Variants in BDH1 observed in about 807,000 individuals in gnomAD.
BDH1 encodes D-beta-hydroxybutyrate dehydrogenase, mitochondrial.
In BDH1, 30 loss-of-function variants were observed where a neutral mutation model predicts 33.1. That is an observed-to-expected ratio of 0.91 (90% CI 0.68 to 1.23). The LOEUF (loss-of-function observed/expected upper bound fraction) is 1.23. BDH1 is among the 50% of genes most tolerant of loss of function. The pLI is 0.00. For synonymous variants in BDH1, 190 were observed against 183.6 expected, an observed-to-expected ratio of 1.03 and a Z score of -0.28; for missense variants, 443 against 464.4, an observed-to-expected ratio of 0.95 and a Z score of 0.42.
At chr3:197,540,901 C>A (rs531234667) in intron 3 of BDH1, among the ~76,000 whole-genome samples, 1 of 152,170 alleles carries the variant, frequency 6.6e-6, no homozygotes, top group Admixed American at 6.5e-5. Flanking sequence ...ACCTGCCCCC[C>A]CCACAGCAAT....
At chr3:197,549,449 C>G (rs1716368761) in intron 2 of BDH1, among the ~76,000 whole-genome samples, 1 of 152,216 alleles carries the variant, frequency 6.6e-6, no homozygotes, top group African/African-American at 2.4e-5. Flanking sequence ...TGGGGGCTTT[C>G]CTGTGAGGCA....
At chr3:197,531,063 A>C (rs1243448325) in intron 5 of BDH1, among the ~76,000 whole-genome samples, 3 of 152,240 alleles carry the variant, frequency 2.0e-5, no homozygotes, top group Non-Finnish European at 4.4e-5. Flanking sequence ...TAATACAGCG[A>C]TAAAGAAAAA....
chr3:197,511,737 C>CA lies in BDH1; in HGVS notation c.*157dup. 1 of 710,830 alleles carries CA rather than the reference C, an allele frequency of 1.4e-6. No individual in the cohort carries two copies. The highest frequency in any genetic ancestry group is 2.2e-5 in the South Asian group (1 of 45,018). 44.0% of individuals were successfully genotyped at this position (710,830 alleles called of 1,614,324 possible). On this transcript the variant is annotated 3_prime_UTR_variant, in exon 8 of 8. Transcript: ENST00000392379. ...GTGAAGGCCCAAGTCACTCACTATG[C>CA]AAAGAAGTCATTCCCTCTAGTTAGT...
intron 7 of BDH1, among the ~76,000 whole-genome samples, chr3:197,512,856 G>A (rs1712223254): frequency 6.6e-6 from 1 of 152,196 alleles, no homozygotes; most frequent in Non-Finnish European, 1.5e-5. Context: ...CTAGGGCCAA[G>A]TGTCTAGCCA....
Position 197,563,481 on chromosome 3 carries a change from G to A in BDH1, c.-44+9700C>T, listed in dbSNP as rs150501731. On this transcript the variant is annotated intron_variant, in intron 1 of 6. Transcript: ENST00000358186. ...AGTCAGTTAGGCAAATCTTTTTCAC[G>A]TCTCTGTTATAATTTTGCAATGATG... Among the ~76,000 whole-genome samples, 207 of 152,266 alleles carry A rather than the reference G, an allele frequency of 1.4e-3. 1 individual carries two copies. Among genetic ancestry groups the A allele is most frequent in the African/African-American group, 4.5e-3 (186 of 41,538 alleles).
At chr3:197,558,610 G>A (rs1717158617), upstream of BDH1, among the ~76,000 whole-genome samples, 1 of 152,182 alleles carries the variant, frequency 6.6e-6, no homozygotes, top group Admixed American at 6.5e-5. Context: ...TTTTCTGTGA[G>A]AGTGATATTG....
chr3:197,566,507 T>C (rs1010957919), intron 1 of BDH1, among the ~76,000 whole-genome samples: 2 of 152,190 alleles, frequency 1.3e-5, no homozygotes, highest in Admixed American at 1.3e-4. Flanking sequence ...TAAAAAAATG[T>C]CTTATCTGAG....
Position 197,516,013 on chromosome 3 carries a change from G to A in BDH1, c.410-1597C>T, listed in dbSNP as rs1298762470. 1.3e-5 allele frequency among the ~76,000 whole-genome samples: 2 copies of A among 152,116 alleles called. No individual in the cohort carries two copies. Among genetic ancestry groups the A allele is most frequent in the Non-Finnish European group, 2.9e-5 (2 of 68,018 alleles). ...CCACGCAGTCTCCAGGGTCTCCAGG[G>A]TGGTACACCAAGGACCTCACCCCCA... On this transcript the variant is annotated intron_variant, in intron 6 of 7. Transcript: ENST00000392379. The surrounding 1 kb of genome is among the most constrained non-coding windows in gnomAD (Gnocchi z 4.2).
intron 1 of BDH1, among the ~76,000 whole-genome samples, chr3:197,571,586 T>G (rs1717608543): frequency 6.6e-6 from 1 of 152,248 alleles, no homozygotes; most frequent in Non-Finnish European, 1.5e-5. Context: ...CCCCTTTCAC[T>G]TGGCTTTCGT....
At chr3:197,560,920 C>T (rs927193207), upstream of BDH1, among the ~76,000 whole-genome samples, 2 of 151,756 alleles carry the variant, frequency 1.3e-5, no homozygotes, top group African/African-American at 4.9e-5. Context: ...AACCCACCTC[C>T]CTGTCCCACT....
At chr3:197,531,441 ATATATATATATACATATATG>A (rs1356821187) in intron 5 of BDH1, among the ~76,000 whole-genome samples, 13 of 138,972 alleles carry the variant, frequency 9.4e-5, no homozygotes, top group Non-Finnish European at 1.6e-5. Flanking sequence ...ATATATGTGT[ATATATATATATACATATATG>A]TATATATATA....
At chr3:197,568,242 C>T (rs775136748) in intron 1 of BDH1, among the ~76,000 whole-genome samples, 2 of 151,946 alleles carry the variant, frequency 1.3e-5, no homozygotes, top group Non-Finnish European at 2.9e-5. Context: ...CCAAACCCCA[C>T]AGTCTTCTGT....
chr3:197,538,528 T>G (rs1213375635), intron 3 of BDH1: 6 of 370,990 alleles, frequency 1.6e-5, no homozygotes, highest in Non-Finnish European at 2.7e-5. Context: ...ATTTTTGTAT[T>G]TTTAGTAGAG....
In BDH1 at chr3:197,530,722, C is replaced by T. The variant is rs185409277; in HGVS notation, c.267+1690G>A. 236 of 152,696 alleles carry T rather than the reference C, an allele frequency of 1.5e-3. 2 individuals are homozygous for T. The highest frequency in any genetic ancestry group is 5.3e-3 in the African/African-American group (219 of 41,532). 9.5% of individuals were successfully genotyped at this position (152,696 alleles called of 1,614,324 possible). A position where few individuals can be genotyped will look rare whatever the true frequency, so the allele number is the denominator to read the frequency against. The stretch of plus-strand genomic sequence containing the variant: ...TTTTGATGAAGTAAATTATGATCCG[C>T]CCACTCAGTGGGTGCTTCAAAGCTG... On this transcript the variant is annotated intron_variant, in intron 5 of 7. Coordinates refer to ENST00000392379, the MANE Select transcript of BDH1 (RefSeq NM_203314.3).
At chr3:197,533,847 G>A in intron 3 of BDH1, 1 of 440,652 alleles carries the variant, frequency 2.3e-6, no homozygotes, top group Non-Finnish European at 4.0e-6. Flanking sequence ...TGGCCATCCA[G>A]TGTCCCACTC....
At chr3:197,556,346 T>C (rs557600046), upstream of BDH1, among the ~76,000 whole-genome samples, 4 of 152,324 alleles carry the variant, frequency 2.6e-5, no homozygotes, top group East Asian at 5.8e-4. Context: ...TAGGGTTGGT[T>C]GGTTTTTAAA....
chr3:197,527,535 C>T (rs902512867), intron 5 of BDH1, among the ~76,000 whole-genome samples: 2 of 152,132 alleles, frequency 1.3e-5, no homozygotes, highest in African/African-American at 2.4e-5. Context: ...AGGGAGCCCC[C>T]GTTCATCTTT....
At chr3:197,570,857 C>T (rs137895911) in intron 1 of BDH1, among the ~76,000 whole-genome samples, 382 of 152,344 alleles carry the variant, frequency 2.5e-3, no homozygotes, top group East Asian at 8.1e-3. Context: ...CTGCCTAGTG[C>T]GGCTGTGAGA....
In BDH1 at chr3:197,514,442, A is replaced by G; in HGVS notation, c.410-26T>C. The G allele has an allele frequency of 1.9e-6, 3 of 1,561,078 alleles. No homozygotes were observed. The highest frequency in any genetic ancestry group is 2.6e-6 in the Non-Finnish European group (3 of 1,149,984). On this transcript the variant is annotated intron_variant, in intron 6 of 7. Coordinates refer to ENST00000392379, the MANE Select transcript of BDH1 (RefSeq NM_203314.3). The surrounding 1 kb of genome is among the most constrained non-coding windows in gnomAD (Gnocchi z 4.2). ...CTGGACAGGAGAGGGATAGATGTGC[A>G]TTTACCACATGGGCTTGGCCCAGAC...
Sources: allele counts gnomAD v4.1 joint callset (sites outside exome capture counted in the v4.1 genomes callset), GRCh38; gene constraint gnomAD v4.1.1; non-coding constraint Gnocchi (gnomAD v3.1); transcripts MANE v1.5; gene names NCBI Gene and HGNC (gene_info 2026-07-23, HGNC 2026-07-21).